Variants in ZNF157 observed in about 807,000 individuals in gnomAD.
The protein encoded by ZNF157 is zinc finger protein 157, also known as zinc finger protein 22.
Under a neutral mutation model 9.4 loss-of-function variants are expected in ZNF157, and 8 were observed. The observed-to-expected ratio is 0.85, with a 90% CI of 0.50 to 1.53. ZNF157 has a LOEUF of 1.53. Among genes scored for constraint, ZNF157 ranks in the 40% most tolerant of loss-of-function variants. ZNF157 has a pLI of 0.00. For missense variants in ZNF157, 316 were observed against 385.2 expected (o/e 0.82, Z 1.50); for synonymous variants, 120 against 130.8 (o/e 0.92, Z 0.56).
intron 1 of ZNF157, among the ~76,000 whole-genome samples, chrX:47,408,999 C>T (rs1395200937): frequency 8.9e-6 from 1 of 112,104 alleles, no homozygotes; most frequent in Non-Finnish European, 1.9e-5. Context: ...TTCCCTCAAA[C>T]TCTGTACTTG....
At chrX:47,398,826 C>T (rs764124801) in intron 1 of ZNF157, among the ~76,000 whole-genome samples, 47 of 112,176 alleles carry the variant, frequency 4.2e-4, no homozygotes, top group African/African-American at 1.2e-3. Context: ...GGATTACAGG[C>T]GCCTGCCACC....
chrX:47,390,117 G>T (rs923865048), intron 1 of ZNF157: 1 of 111,152 alleles, frequency 9.0e-6, no homozygotes, highest in South Asian at 3.8e-4. Context: ...CACAATTTGA[G>T]TTTTCTGATG....
intron 1 of ZNF157, among the ~76,000 whole-genome samples, chrX:47,402,943 T>G (rs1172900539): frequency 9.1e-6 from 1 of 109,569 alleles, no homozygotes; most frequent in Non-Finnish European, 1.9e-5. Context: ...ATCACCTGAA[T>G]AGGGTACATT....
intron 1 of ZNF157, chrX:47,391,201 C>T (rs147232304): frequency 9.0e-6 from 1 of 111,456 alleles, no homozygotes; most frequent in Non-Finnish European, 1.9e-5. Flanking sequence ...TATCACAAAA[C>T]TCAACATTTC....
intron 1 of ZNF157, among the ~76,000 whole-genome samples, chrX:47,395,872 G>T (rs1045856708): frequency 1.8e-5 from 2 of 111,432 alleles, no homozygotes; most frequent in Non-Finnish European, 3.8e-5. Flanking sequence ...GGCTGAGGTG[G>T]GAGGACTGCC....
At chrX:47,372,134 G>A (rs2055830745) in intron 1 of ZNF157, among the ~76,000 whole-genome samples, 1 of 111,059 alleles carries the variant, frequency 9.0e-6, no homozygotes. Flanking sequence ...GTACTAAAGT[G>A]TCTTTTTGTA....
In ZNF157 at chrX:47,413,764, T is replaced by A. The variant is rs1202873625; in HGVS notation, c.*170T>A. On this transcript the variant is annotated 3_prime_UTR_variant, in exon 4 of 4. Transcript: ENST00000377073. ...TTCCCTAATTAGTGGTGTGTGAACA[T>A]CTTATCTGTTGATTGGCTATTTGGG... The A allele has an allele frequency of 2.5e-6, 2 of 809,971 alleles. No homozygotes were observed. Among genetic ancestry groups the A allele is most frequent in the Non-Finnish European group, 3.3e-6 (2 of 611,294 alleles). The allele number at this position is 809,971 out of a possible 1,213,427, so 66.8% of individuals were successfully genotyped here. A position where few individuals can be genotyped will look rare whatever the true frequency, so the allele number is the denominator to read the frequency against.
rs1449836455 is a variant in ZNF157, at chrX:47,410,755, C to T, written c.275C>T (p.Ser92Phe). 1 of 1,202,666 alleles carries T rather than the reference C, an allele frequency of 8.3e-7. No homozygotes were observed. The highest frequency in any genetic ancestry group is 3.0e-5 in the East Asian group (1 of 33,571). Residue 92 changes from serine to phenylalanine, a missense_variant, in exon 3 of 4, where the codon TCC (serine) becomes TTC (phenylalanine). Transcript: ENST00000377073. ...GAGCTGTGGATATTAGAGGAGGAAT[C>T]CTCAGGCCATGGTTACTCAGGTAAG... The part of the protein sequence containing the change: ...GEELWILEEE[S>F]SGHGYSGSLS...
intron 3 of ZNF157, 145 bp downstream of exon 3, chrX:47,410,920 A>G: frequency 2.2e-6 from 1 of 457,782 alleles, no homozygotes. Context: ...CGGAAGGTCT[A>G]CATGCTTCAG....
At chrX:47,376,341 G>A (rs1280148717) in intron 1 of ZNF157, among the ~76,000 whole-genome samples, 1 of 112,329 alleles carries the variant, frequency 8.9e-6, no homozygotes, top group African/African-American at 3.2e-5. Flanking sequence ...CAGGCAGGGC[G>A]TAATGGCTCA....
chrX:47,386,470 T>G (rs932144149), intron 1 of ZNF157, among the ~76,000 whole-genome samples: 2 of 109,647 alleles, frequency 1.8e-5, no homozygotes, highest in Admixed American at 9.9e-5. Context: ...ACTTTTTTTG[T>G]TTTTTTTTGA....
rs2055970920 is a variant in ZNF157, at chrX:47,413,022, C to T, written c.949C>T (p.Leu317=). The change falls in exon 4 of 4, where the codon CTA becomes TTA. Residue 317 remains leucine, a synonymous_variant. Transcript: ENST00000377073. ...CGKNFRAKKS[L]NQHQRIHTGE... ...GAAAAACTTCCGTGCAAAGAAATCCCTAAATCAGCATCAAAGAATTCACAC... is the reference window on the plus strand; with the variant it reads ...GAAAAACTTCCGTGCAAAGAAATCCTTAAATCAGCATCAAAGAATTCACAC... 8.3e-7 allele frequency: 1 copy of T among 1,208,974 alleles called. No homozygotes were observed.
At chrX:47,394,345 C>T (rs190280926) in intron 1 of ZNF157, among the ~76,000 whole-genome samples, 3 of 111,237 alleles carry the variant, frequency 2.7e-5, no homozygotes, top group Non-Finnish European at 3.8e-5. Context: ...TGCACCTGGC[C>T]AACAGTGAAT....
intron 1 of ZNF157, among the ~76,000 whole-genome samples, chrX:47,401,052 G>A (rs1317740521): frequency 8.9e-6 from 1 of 111,944 alleles, no homozygotes; most frequent in Non-Finnish European, 1.9e-5. Flanking sequence ...TGCTGAATAC[G>A]ATGAGTACTG....
chrX:47,373,016 A>G (rs1311567380), intron 1 of ZNF157, among the ~76,000 whole-genome samples: 1 of 108,530 alleles, frequency 9.2e-6, no homozygotes, highest in Non-Finnish European at 1.9e-5. Flanking sequence ...CCTGACCAAC[A>G]TGATAAAACC....
In ZNF157 at chrX:47,412,891, C is replaced by T. The variant is rs774229424; in HGVS notation, c.818C>T (p.Pro273Leu). The change falls in exon 4 of 4, where the codon CCC becomes CTC. Residue 273 changes from proline (P) to leucine (L), a missense_variant. Transcript: ENST00000377073. ...CAGAGAACTCACACAGGGGAGAAAC[C>T]CTATGAATGTAGTGAATGTGGGAAA... ...IHQRTHTGEKPYECSECGKTF... is the reference protein window; with the variant it reads ...IHQRTHTGEKLYECSECGKTF... 1 of 1,210,411 alleles carries T rather than the reference C, an allele frequency of 8.3e-7. No individual in the cohort carries two copies. The highest frequency in any genetic ancestry group is 3.0e-5 in the East Asian group (1 of 33,801).
chrX:47,379,724 C>CTTTTTTTT (rs200985634), intron 1 of ZNF157, among the ~76,000 whole-genome samples: 1 of 62,761 alleles, frequency 1.6e-5, no homozygotes, highest in Non-Finnish European at 2.8e-5. Flanking sequence ...TGTCTAGATG[C>CTTTTTTTT]TTTTTTTTTT....
At chrX:47,378,569 G>A (rs1379817508) in intron 1 of ZNF157, among the ~76,000 whole-genome samples, 4 of 112,012 alleles carry the variant, frequency 3.6e-5, no homozygotes, top group African/African-American at 6.5e-5. Context: ...CACGCTGGGC[G>A]CGGTGGCTCA....
intron 1 of ZNF157, among the ~76,000 whole-genome samples, chrX:47,395,628 G>A (rs966579164): frequency 9.8e-5 from 11 of 112,010 alleles, no homozygotes; most frequent in Non-Finnish European, 1.9e-4. Flanking sequence ...AAAGTCAGTG[G>A]GTGATGCTCA....
Sources: allele counts gnomAD v4.1 joint callset (sites outside exome capture counted in the v4.1 genomes callset), GRCh38; gene constraint gnomAD v4.1.1; transcripts MANE v1.5; gene names NCBI Gene and HGNC (gene_info 2026-07-23, HGNC 2026-07-21).